The following PIH1D1 variants were observed in gnomAD, a reference collection of about 807,000 sequenced individuals.
PIH1D1 encodes PIH1 domain-containing protein 1.
PIH1D1 carries 28 observed loss-of-function variants against 38.5 expected under a neutral mutation model. The observed-to-expected ratio is 0.73, with a 90% CI of 0.54 to 1.00. The LOEUF (loss-of-function observed/expected upper bound fraction) is 1.00, where lower values mean the gene tolerates loss of function less well. Ranked by LOEUF, PIH1D1 falls within the 50% of genes least tolerant of loss-of-function variation. The pLI, the probability that PIH1D1 is intolerant of heterozygous loss-of-function variation, is 0.00. For missense variants in PIH1D1, 343 were observed against 369.9 expected, an observed-to-expected ratio of 0.93 and a Z score of 0.60; for synonymous variants, 155 against 153.5, an observed-to-expected ratio of 1.01 and a Z score of -0.07.
chr19:49,447,834 C>T lies in PIH1D1; in HGVS notation c.474G>A (p.Leu158=), dbSNP rs1466657711. 1 of 1,614,006 alleles carries T rather than the reference C, an allele frequency of 6.2e-7. No homozygotes were observed. ...EGLEDKYNLQ[L]NPEWRMMKNR... is the part of the protein sequence containing the mutation. ...CCAGGACCTGCCCCTCACCCGGATT[C>T]AGCTGCAAGTTGTATTTGTCCTCAA... The change falls in exon 5 of 9, where the codon CTG becomes CTA. Residue 158 remains leucine, a synonymous_variant. Coordinates refer to ENST00000262265, the MANE Select transcript of PIH1D1 (RefSeq NM_017916.3).
chr19:49,450,650 T>C, intron 2 of PIH1D1, 132 bp downstream of exon 2: 1 of 843,556 alleles, frequency 1.2e-6, no homozygotes, highest in East Asian at 2.5e-5. Flanking sequence ...CTTTCTGTCC[T>C]AGGATGATCT....
In PIH1D1 at chr19:49,451,623, A is replaced by G; in HGVS notation, c.-49T>C. 2 of 1,604,912 alleles carry G rather than the reference A, an allele frequency of 1.2e-6. No individual in the cohort carries two copies. Among genetic ancestry groups the G allele is most frequent in the Non-Finnish European group, 1.7e-6 (2 of 1,178,056 alleles). ...GTCCTCGAGACCCTCAACGTGGGAAACTTTGCCCAGGATCCGAACCCCAGT... is the reference window on the plus strand; with the variant it reads ...GTCCTCGAGACCCTCAACGTGGGAAGCTTTGCCCAGGATCCGAACCCCAGT... On this transcript the variant is annotated 5_prime_UTR_variant, in exon 1 of 9. Coordinates refer to ENST00000262265, the MANE Select transcript of PIH1D1 (RefSeq NM_017916.3).
At chr19:49,449,760 T>C in intron 2 of PIH1D1, 106 bp from the exon 3 acceptor site, 6 of 890,614 alleles carry the variant, frequency 6.7e-6, no homozygotes, top group Non-Finnish European at 1.0e-5. Context: ...TCCCCCTTTT[T>C]TGTTCCACTC....
intron 7 of PIH1D1, 158 bp from the exon 8 acceptor site, chr19:49,446,852 T>TA: frequency 9.1e-7 from 1 of 1,097,626 alleles, no homozygotes; most frequent in Admixed American, 2.3e-5. Flanking sequence ...ACCGAGCACT[T>TA]ACAATCCCTT....
At position 49,446,567 on chromosome 19, in the gene PIH1D1, A is replaced by G; in HGVS notation, c.815T>C (p.Phe272Ser). The change falls in exon 8 of 9, where the codon TTC becomes TCC. Residue 272 changes from phenylalanine (F) to serine (S), a missense_variant. Phe to Ser is a radical substitution (Grantham distance 155). Coordinates refer to ENST00000262265, the MANE Select transcript of PIH1D1 (RefSeq NM_017916.3). Reference sequence around the variant, plus strand: ...CCCAGGCACCTTTCTCTTCCGGTGGAAGGCTGCCTTGCTCTCATGAGAGTT... The same window carrying G: ...CCCAGGCACCTTTCTCTTCCGGTGGGAGGCTGCCTTGCTCTCATGAGAGTT... Reference protein sequence around the residue: ...QINSHESKAAFHRKRKQLMVA... With the variant: ...QINSHESKAASHRKRKQLMVA... The G allele has an allele frequency of 1.9e-6, 3 of 1,613,862 alleles. No individual in the cohort carries two copies. The highest frequency in any genetic ancestry group is 2.5e-6 in the Non-Finnish European group (3 of 1,179,932).
intron 6 of PIH1D1, 65 bp downstream of exon 6, chr19:49,447,273 G>A: frequency 6.3e-7 from 1 of 1,598,690 alleles, no homozygotes. Flanking sequence ...AGTGTGGGAG[G>A]ATGGAGGGAG....
rs772461898 is a variant in PIH1D1, at chr19:49,446,541, C to T, written c.831+10G>A. The T allele has an allele frequency of 6.2e-6, 10 of 1,613,990 alleles. No homozygotes were observed. The highest frequency in any genetic ancestry group is 4.4e-5 in the South Asian group (4 of 91,082). On this transcript the variant is annotated intron_variant, in intron 8 of 8. Coordinates refer to ENST00000262265, the MANE Select transcript of PIH1D1 (RefSeq NM_017916.3). Reference sequence around the variant, plus strand: ...ATGTCCCAGCTTCCCCAAGCCCCTCCCCCAGGCACCTTTCTCTTCCGGTGG... The same window carrying T: ...ATGTCCCAGCTTCCCCAAGCCCCTCTCCCAGGCACCTTTCTCTTCCGGTGG...
At chr19:49,450,955 G>T (rs752063024) in intron 1 of PIH1D1, 107 bp from the exon 2 acceptor site, 6 of 1,563,386 alleles carry the variant, frequency 3.8e-6, no homozygotes, top group East Asian at 4.9e-5. Flanking sequence ...GATAACGCGA[G>T]AAATTAGACG....
chr19:49,447,199 G>C (rs1409288357), intron 6 of PIH1D1, 100 bp from the exon 7 acceptor site: 24 of 1,469,628 alleles, frequency 1.6e-5, no homozygotes, highest in Non-Finnish European at 2.2e-5. Flanking sequence ...GCCTCAGGAC[G>C]CCTTCCCAGT....
intron 2 of PIH1D1, among the ~76,000 whole-genome samples, chr19:49,450,405 TTTG>T (rs145838789): frequency 0.28 from 43,121 of 151,718 alleles, 6,641 homozygotes; most frequent in Non-Finnish European, 0.35. Context: ...TCTTCCTATC[TTTG>T]TTGTTGTTGT....
intron 1 of PIH1D1, chr19:49,451,280 C>T (rs929932479): frequency 1.3e-5 from 8 of 613,636 alleles, no homozygotes; most frequent in South Asian, 2.0e-5. Context: ...CCGCCCGCCT[C>T]GGCCTCCCAA....
chr19:49,449,519 C>G lies in PIH1D1; in HGVS notation c.293G>C (p.Arg98Pro). Reference protein sequence around the residue: ...QMLEEDQAGFRIPMSLGEPHA... With the variant: ...QMLEEDQAGFPIPMSLGEPHA... ...AGGCTCTCCCAGACTCATGGGGATG[C>G]GAAACCCAGCTTGGTCCTCCTCTAG... The change falls in exon 3 of 9, where the codon CGC becomes CCC. Residue 98 changes from arginine (R) to proline (P), a missense_variant. Arg to Pro is a moderately radical substitution (Grantham distance 103). Transcript: ENST00000262265. 1.2e-6 allele frequency: 2 copies of G among 1,614,118 alleles called. No individual in the cohort carries two copies. Among genetic ancestry groups the G allele is most frequent in the Non-Finnish European group, 1.7e-6 (2 of 1,180,008 alleles).
In PIH1D1 at chr19:49,449,540, T is replaced by C; in HGVS notation, c.272A>G (p.Glu91Gly). 1 of 1,614,170 alleles carries C rather than the reference T, an allele frequency of 6.2e-7. No homozygotes were observed. The change falls in exon 3 of 9, where the codon GAG becomes GGG. Residue 91 changes from glutamate to glycine, a missense_variant. By Grantham distance (98) the Glu-to-Gly change is moderately conservative. Transcript: ENST00000262265. ...VTEEELLQML[E>G]EDQAGFRIPM... is the part of the protein sequence containing the mutation. ...GATGCGAAACCCAGCTTGGTCCTCC[T>C]CTAGCATCTGAAGCAGCTCCTCCTC...
intron 8 of PIH1D1, 43 bp from the exon 9 acceptor site, chr19:49,446,466 A>T (rs755255879): frequency 3.3e-5 from 46 of 1,385,632 alleles, no homozygotes; most frequent in Non-Finnish European, 4.3e-5. Flanking sequence ...AGGACCCAGA[A>T]GTCCAGCTCC....
chr19:49,449,566 G>C lies in PIH1D1; in HGVS notation c.246C>G (p.Thr82=), dbSNP rs778020414. ...CTAGCATCTGAAGCAGCTCCTCCTC[G>C]GTCACGTCGGCGGGAGGAGGGATAG... ...SPSIPPPADV[T]EEELLQMLEE... The change falls in exon 3 of 9, where the codon ACC becomes ACG. Residue 82 remains threonine, a synonymous_variant. Transcript: ENST00000262265. 2.6e-5 allele frequency: 42 copies of C among 1,613,972 alleles called. No homozygotes were observed. Among genetic ancestry groups the C allele is most frequent in the Non-Finnish European group, 3.4e-5 (40 of 1,179,982 alleles).
intron 2 of PIH1D1, 106 bp from the exon 3 acceptor site, chr19:49,449,760 T>G: frequency 1.1e-6 from 1 of 890,614 alleles, no homozygotes; most frequent in East Asian, 2.7e-5. Context: ...TCCCCCTTTT[T>G]TGTTCCACTC....
chr19:49,448,963 C>A, intron 3 of PIH1D1: 1 of 285,808 alleles, frequency 3.5e-6, no homozygotes, highest in South Asian at 3.4e-5. Context: ...GAGGCTGAGG[C>A]GGTGGATCAC....
Position 49,451,597 on chromosome 19 carries a change from C to A in PIH1D1, c.-23G>T, listed in dbSNP as rs376367541. ...CATGGCCCTGGGAAAGAGATCTAGGCGTCCTCGAGACCCTCAACGTGGGAA... is the reference window on the plus strand; with the variant it reads ...CATGGCCCTGGGAAAGAGATCTAGGAGTCCTCGAGACCCTCAACGTGGGAA... On this transcript the variant is annotated 5_prime_UTR_variant, in exon 1 of 9. Transcript: ENST00000262265. 1.4e-5 allele frequency: 23 copies of A among 1,611,074 alleles called. No individual in the cohort carries two copies. Among genetic ancestry groups the A allele is most frequent in the Middle Eastern group, 1.7e-4 (1 of 6,058 alleles).
rs373267718 is a variant in PIH1D1, at chr19:49,446,432, A to G, written c.832-9T>C. 7.1e-5 allele frequency: 76 copies of G among 1,073,908 alleles called. No homozygotes were observed. The highest frequency in any genetic ancestry group is 1.0e-4 in the Non-Finnish European group (72 of 686,192). 66.5% of individuals were successfully genotyped at this position (1,073,908 alleles called of 1,614,324 possible). A position where few individuals can be genotyped will look rare whatever the true frequency, so the allele number is the denominator to read the frequency against. ...ATGGCCACCATTAATTGCTGAGGAGACAGAGCAAAGAGAATGAGGATCCAG... is the reference window on the plus strand; with the variant it reads ...ATGGCCACCATTAATTGCTGAGGAGGCAGAGCAAAGAGAATGAGGATCCAG... On this transcript the variant is annotated splice_polypyrimidine_tract_variant and intron_variant, in intron 8 of 8. Transcript: ENST00000262265.
Sources: allele counts gnomAD v4.1 joint callset (sites outside exome capture counted in the v4.1 genomes callset), GRCh38; gene constraint gnomAD v4.1.1; transcripts MANE v1.5; gene names NCBI Gene and HGNC (gene_info 2026-07-23, HGNC 2026-07-21).